Variants in GALNTL6 observed in about 807,000 individuals in gnomAD.
GALNTL6 encodes the protein polypeptide N-acetylgalactosaminyltransferase-like 6.
A neutral mutation model predicts 73.7 loss-of-function variants in GALNTL6; 46 were observed. The ratio of observed to expected loss-of-function variants is 0.62; its 90% CI spans 0.49 to 0.80. The LOEUF (loss-of-function observed/expected upper bound fraction) is 0.80, where lower values mean the gene tolerates loss of function less well. Among genes scored for constraint, GALNTL6 ranks in the 30% least tolerant of loss-of-function variants. GALNTL6 has a pLI of 0.00. For missense variants in GALNTL6, 604 were observed against 755.0 expected (o/e 0.80, Z 2.34); for synonymous variants, 259 against 263.7 (o/e 0.98, Z 0.17).
chr4:172,686,059 C>T, intron 5 of GALNTL6, among the ~76,000 whole-genome samples: 1 of 152,188 alleles, frequency 6.6e-6, no homozygotes, highest in Non-Finnish European at 1.5e-5. Context: ...AATTAGACCA[C>T]TATATTTTTT....
chr4:171,874,999 C>A (rs962509969), intron 2 of GALNTL6, among the ~76,000 whole-genome samples: 2 of 152,022 alleles, frequency 1.3e-5, no homozygotes, highest in Non-Finnish European at 2.9e-5. Flanking sequence ...CAAAACAAAA[C>A]AAAAAACAAC....
At chr4:171,855,762 T>C (rs1307243386) in intron 2 of GALNTL6, among the ~76,000 whole-genome samples, 1 of 152,218 alleles carries the variant, frequency 6.6e-6, no homozygotes, top group African/African-American at 2.4e-5. Context: ...ACATCCTCAC[T>C]GGCATTTGGT....
chr4:171,913,086 G>A (rs1431662554), intron 2 of GALNTL6, among the ~76,000 whole-genome samples: 2 of 152,072 alleles, frequency 1.3e-5, no homozygotes, highest in Non-Finnish European at 2.9e-5. Flanking sequence ...GGATCATATG[G>A]TAGTTCTATT....
intron 5 of GALNTL6, among the ~76,000 whole-genome samples, chr4:172,743,177 A>G (rs549111559): frequency 2.0e-5 from 3 of 152,204 alleles, no homozygotes; most frequent in African/African-American, 4.8e-5. Context: ...AGTTCCATAC[A>G]GCATTCTTAC....
At chr4:172,070,830 C>T (rs1419812442) in intron 2 of GALNTL6, among the ~76,000 whole-genome samples, 1 of 108,564 alleles carries the variant, frequency 9.2e-6, no homozygotes, top group Admixed American at 9.7e-5. Flanking sequence ...TGTGATGACG[C>T]CTTCAAAAAA....
intron 3 of GALNTL6, among the ~76,000 whole-genome samples, chr4:172,233,763 A>C (rs888319236): frequency 2.0e-5 from 3 of 152,024 alleles, no homozygotes; most frequent in Non-Finnish European, 4.4e-5. Flanking sequence ...TCTTCCTTAA[A>C]ATTTTGTATT....
At chr4:172,742,427 C>T (rs1176613060) in intron 5 of GALNTL6, among the ~76,000 whole-genome samples, 1 of 151,412 alleles carries the variant, frequency 6.6e-6, no homozygotes, top group East Asian at 1.9e-4. Context: ...TCTTTGCCTA[C>T]TAGATCTGTG....
chr4:172,401,625 T>C (rs1344631319), intron 5 of GALNTL6, among the ~76,000 whole-genome samples: 1 of 152,126 alleles, frequency 6.6e-6, no homozygotes, highest in African/African-American at 2.4e-5. Context: ...ACTTTCATTT[T>C]CTTCCTATAA....
rs374307305 is a variant in GALNTL6, at chr4:172,197,392, A to T, written c.139-32264A>T. Among the ~76,000 whole-genome samples, 406 of 152,330 alleles carry T rather than the reference A, an allele frequency of 2.7e-3. 3 individuals carry two copies. Among genetic ancestry groups the T allele is most frequent in the African/African-American group, 9.2e-3 (383 of 41,582 alleles). On this transcript the variant is annotated intron_variant, in intron 2 of 12. Coordinates refer to ENST00000506823, the MANE Select transcript of GALNTL6 (RefSeq NM_001034845.3). ...CAAAGTAATTCATAGATTCAATGCT[A>T]TTCCCATTAAACTACCATTGACATT... is the stretch of plus-strand genomic sequence containing the variant.
At chr4:172,192,008 T>C (rs760640718) in intron 2 of GALNTL6, among the ~76,000 whole-genome samples, 17 of 152,046 alleles carry the variant, frequency 1.1e-4, no homozygotes, top group Non-Finnish European at 2.4e-4. Flanking sequence ...GTATTATTAA[T>C]ATAATTTTAA....
chr4:172,837,210 T>G (rs1440812984), intron 7 of GALNTL6, among the ~76,000 whole-genome samples: 1 of 152,160 alleles, frequency 6.6e-6, no homozygotes, highest in Non-Finnish European at 1.5e-5. Flanking sequence ...TTGCCAGTAG[T>G]TCATCATAAA....
At chr4:172,732,968 A>G (rs1005950530) in intron 5 of GALNTL6, among the ~76,000 whole-genome samples, 3 of 152,212 alleles carry the variant, frequency 2.0e-5, no homozygotes, top group Non-Finnish European at 2.9e-5. Flanking sequence ...TTGGGATTTT[A>G]TACTAGAGTT....
chr4:172,671,885 G>A (rs1732006831), intron 5 of GALNTL6, among the ~76,000 whole-genome samples: 1 of 151,834 alleles, frequency 6.6e-6, no homozygotes, highest in Non-Finnish European at 1.5e-5. Flanking sequence ...TTGTTTCTTT[G>A]CCTGTTTTTT....
intron 2 of GALNTL6, among the ~76,000 whole-genome samples, chr4:171,893,913 G>A (rs1007954473): frequency 2.6e-5 from 4 of 152,104 alleles, no homozygotes; most frequent in Non-Finnish European, 5.9e-5. Context: ...CCACAATTCA[G>A]TCTCAAAATA....
chr4:172,990,276 G>A (rs557810568), intron 10 of GALNTL6, among the ~76,000 whole-genome samples: 34 of 152,248 alleles, frequency 2.2e-4, no homozygotes, highest in Admixed American at 7.9e-4. Flanking sequence ...GAAAACTCAC[G>A]GGTAGTTTCC....
chr4:172,171,527 T>G (rs1734825697), intron 2 of GALNTL6, among the ~76,000 whole-genome samples: 1 of 152,012 alleles, frequency 6.6e-6, no homozygotes, highest in South Asian at 2.1e-4. Flanking sequence ...ACCAGTCAAC[T>G]CAAAAGATGT....
chr4:172,246,802 TTA>T (rs35337142), intron 3 of GALNTL6, among the ~76,000 whole-genome samples: 21 of 147,398 alleles, frequency 1.4e-4, no homozygotes, highest in Admixed American at 3.4e-4. Context: ...GCCAGGCGAT[TTA>T]TATATATATA....
chr4:172,489,173 A>G (rs1276022848), intron 5 of GALNTL6, among the ~76,000 whole-genome samples: 2 of 152,202 alleles, frequency 1.3e-5, no homozygotes, highest in East Asian at 3.8e-4. Context: ...ATACCTGGAA[A>G]GTCATCCAGA....
At chr4:172,468,386 G>C (rs1276968409) in intron 5 of GALNTL6, among the ~76,000 whole-genome samples, 1 of 152,112 alleles carries the variant, frequency 6.6e-6, no homozygotes, top group Non-Finnish European at 1.5e-5. Flanking sequence ...AAGACTATTA[G>C]AAATATATGG....
Sources: allele counts gnomAD v4.1 joint callset (sites outside exome capture counted in the v4.1 genomes callset), GRCh38; gene constraint gnomAD v4.1.1; transcripts MANE v1.5; gene names NCBI Gene and HGNC (gene_info 2026-07-23, HGNC 2026-07-21).